Variants in CORO2A observed in about 807,000 individuals in gnomAD.
CORO2A encodes the protein coronin-2A.
CORO2A carries 47 observed loss-of-function variants against 62.4 expected under a neutral mutation model. The observed-to-expected ratio is 0.75, with a 90% confidence interval of 0.60 to 0.96. CORO2A has a LOEUF of 0.96. Among genes scored for constraint, CORO2A ranks in the 40% least tolerant of loss-of-function variants. CORO2A has a pLI of 0.00. For missense variants in CORO2A, 610 were observed against 684.1 expected (o/e 0.89, Z 1.21); for synonymous variants, 273 against 268.9 (o/e 1.02, Z -0.15).
At chr9:98,165,627 C>T (rs1319219561) in intron 1 of CORO2A, among the ~76,000 whole-genome samples, 1 of 152,196 alleles carries the variant, frequency 6.6e-6, no homozygotes, top group Non-Finnish European at 1.5e-5. Context: ...ACATGCAGGG[C>T]AGTGGCTTGC....
At chr9:98,189,930 G>A (rs1828286338) in intron 1 of CORO2A, among the ~76,000 whole-genome samples, 1 of 151,938 alleles carries the variant, frequency 6.6e-6, no homozygotes, top group African/African-American at 2.4e-5. Context: ...TGTCGCCCAG[G>A]CTGGAGTGCA....
At chr9:98,135,621 C>T (rs73655196) in intron 3 of CORO2A, among the ~76,000 whole-genome samples, 1,703 of 152,242 alleles carry the variant, frequency 0.011, 21 homozygotes, top group African/African-American at 0.039. Context: ...CTCCCTGTCA[C>T]AGAGGTATAC....
chr9:98,128,180 C>T lies in CORO2A; in HGVS notation c.1161G>A (p.Gly387=), dbSNP rs907792053. Residue 387 remains glycine (G), a synonymous_variant, in exon 10 of 12, where the codon GGG becomes GGA. Transcript: ENST00000375077. ...PSLTAQEWLS[G]MNRDPILVSL... is the part of the protein sequence containing the mutation. ...CTCTGCCTTCCTCACCTCGATTCAT[C>T]CCGCTGAGCCACTCCTGGGCCGTCA... is the stretch of plus-strand genomic sequence containing the variant. 1 of 1,613,030 alleles carries T rather than the reference C, an allele frequency of 6.2e-7. No homozygotes were observed. Among genetic ancestry groups the T allele is most frequent in the East Asian group, 2.2e-5 (1 of 44,864 alleles).
intron 1 of CORO2A, among the ~76,000 whole-genome samples, chr9:98,190,918 A>G (rs977800445): frequency 6.6e-6 from 1 of 152,242 alleles, no homozygotes; most frequent in African/African-American, 2.4e-5. Flanking sequence ...CAGCTCCACC[A>G]TGGCCGCAGG....
At chr9:98,128,393 G>C in intron 9 of CORO2A, 133 bp from the exon 10 acceptor site, 1 of 838,266 alleles carries the variant, frequency 1.2e-6, no homozygotes, top group East Asian at 2.5e-5. Flanking sequence ...GAGAACAAAG[G>C]GACTTGCCCG....
intron 1 of CORO2A, among the ~76,000 whole-genome samples, chr9:98,159,543 G>A (rs112629127): frequency 6.0e-5 from 9 of 151,258 alleles, no homozygotes; most frequent in East Asian, 2.0e-4. Context: ...CTCTTTGCCC[G>A]TCCCTCTCCT....
Position 98,123,499 on chromosome 9 carries a change from T to G in CORO2A, c.*1275A>C, listed in dbSNP as rs1216700169. The G allele has an allele frequency of 6.6e-6, 1 of 150,626 alleles. No homozygotes were observed. Among genetic ancestry groups the G allele is most frequent in the South Asian group, 2.1e-4 (1 of 4,796 alleles). The allele number at this position is 150,626 out of a possible 1,614,324, so 9.3% of individuals were successfully genotyped here. A position where few individuals can be genotyped will look rare whatever the true frequency, so the allele number is the denominator to read the frequency against. ...GTCTTCCCCTATTCTCTCTCTCTTT[T>G]TTTTTTTTTTTTTGGAGATGGAGTC... On this transcript the variant is annotated 3_prime_UTR_variant, in exon 12 of 12. Coordinates refer to ENST00000375077, the MANE Select transcript of CORO2A (RefSeq NM_052820.4).
chr9:98,154,379 T>A (rs979491129), intron 2 of CORO2A, among the ~76,000 whole-genome samples: 5 of 101,042 alleles, frequency 4.9e-5, no homozygotes, highest in African/African-American at 1.5e-4. Context: ...ATATATATTT[T>A]AAATATATGT....
intron 1 of CORO2A, among the ~76,000 whole-genome samples, chr9:98,170,472 C>T (rs1182303238): frequency 6.6e-6 from 1 of 152,146 alleles, no homozygotes; most frequent in African/African-American, 2.4e-5. Flanking sequence ...AACAGAGTCT[C>T]GCTCTGTCAC....
intron 2 of CORO2A, among the ~76,000 whole-genome samples, chr9:98,149,606 T>C (rs1394253163): frequency 6.6e-6 from 1 of 152,140 alleles, no homozygotes; most frequent in Non-Finnish European, 1.5e-5. Context: ...CGGGGAGGTG[T>C]CCCAGACTGT....
Position 98,124,519 on chromosome 9 carries a change from A to T in CORO2A, c.*255T>A. On this transcript the variant is annotated 3_prime_UTR_variant, in exon 12 of 12. Coordinates refer to ENST00000375077, the MANE Select transcript of CORO2A (RefSeq NM_052820.4). ...TCCTCTTGAGAAGTTACAGCTCATCATGGGCCCTTAATAACAGAATTCAAC... is the reference window on the plus strand; with the variant it reads ...TCCTCTTGAGAAGTTACAGCTCATCTTGGGCCCTTAATAACAGAATTCAAC... The T allele has an allele frequency of 3.2e-6, 1 of 313,458 alleles. No individual in the cohort carries two copies. The highest frequency in any genetic ancestry group is 5.9e-6 in the Non-Finnish European group (1 of 170,226). The allele number at this position is 313,458 out of a possible 1,614,324, so 19.4% of individuals were successfully genotyped here.
At position 98,131,021 on chromosome 9, in the gene CORO2A, G is replaced by A. The variant is rs747938637; in HGVS notation, c.804C>T (p.Asp268=). 4.1e-5 allele frequency: 66 copies of A among 1,613,662 alleles called. No individual in the cohort carries two copies. Among genetic ancestry groups the A allele is most frequent in the Non-Finnish European group, 5.3e-5 (63 of 1,179,880 alleles). Reference sequence around the variant, plus strand: ...AGGGAAACAGCACGCCCGAGGAGCCGTCCAGGTCCTCCTCCATCAGAGGCA... The same window carrying A: ...AGGGAAACAGCACGCCCGAGGAGCCATCCAGGTCCTCCTCCATCAGAGGCA... ...LSVPLMEEDL[D]GSSGVLFPFY... is the part of the protein sequence containing the mutation. Residue 268 remains aspartate (D), a synonymous_variant, in exon 7 of 12, where the codon GAC becomes GAT. Transcript: ENST00000375077.
intron 1 of CORO2A, among the ~76,000 whole-genome samples, chr9:98,182,785 A>C (rs1469021997): frequency 6.6e-6 from 1 of 152,230 alleles, no homozygotes; most frequent in Admixed American, 6.5e-5. Context: ...TAAGAGTCTA[A>C]TTGGGGACCC....
chr9:98,191,178 G>A (rs999665808), intron 1 of CORO2A, among the ~76,000 whole-genome samples: 2 of 152,246 alleles, frequency 1.3e-5, no homozygotes, highest in African/African-American at 4.8e-5. Flanking sequence ...GCATCAGGGA[G>A]GTGGAGAAGA....
chr9:98,126,663 C>T lies in CORO2A; in HGVS notation c.1332G>A (p.Leu444=). The change falls in exon 11 of 12, where the codon CTG becomes CTA. Residue 444 remains leucine (L), a synonymous_variant. Coordinates refer to ENST00000375077, the MANE Select transcript of CORO2A (RefSeq NM_052820.4). The part of the protein sequence containing the change: ...AAEDGWRSSS[L]LEEKMPRWAA... ...CCCACCTTGGCATCTTCTCCTCCAACAGGGAGGAAGACCTCCAGCCATCTT... is the reference window on the plus strand; with the variant it reads ...CCCACCTTGGCATCTTCTCCTCCAATAGGGAGGAAGACCTCCAGCCATCTT... 1 of 1,614,240 alleles carries T rather than the reference C, an allele frequency of 6.2e-7. No individual in the cohort carries two copies. The highest frequency in any genetic ancestry group is 8.5e-7 in the Non-Finnish European group (1 of 1,180,044).
At chr9:98,125,049 T>A in intron 11 of CORO2A, 144 bp from the exon 12 acceptor site, 2 of 783,790 alleles carry the variant, frequency 2.6e-6, no homozygotes, top group Non-Finnish European at 3.9e-6. Context: ...ACTGCATAGA[T>A]CTTTTACAAA....
rs1409424131 is a variant in CORO2A at position 98,128,727 on chromosome 9, C to T, written c.968-8G>A. ...CTCTCTTTGGCATGACACCTGAAGG[C>T]AGACAGGGAGGGCCAAGAGGTTCTG... On this transcript the variant is annotated splice_region_variant and splice_polypyrimidine_tract_variant and intron_variant, in intron 8 of 11. Coordinates refer to ENST00000375077, the MANE Select transcript of CORO2A (RefSeq NM_052820.4). 6.2e-7 allele frequency: 1 copy of T among 1,612,846 alleles called. No homozygotes were observed. The highest frequency in any genetic ancestry group is 1.3e-5 in the African/African-American group (1 of 75,020).
At chr9:98,142,861 CCTGCG>C (rs1827592322) in intron 2 of CORO2A, among the ~76,000 whole-genome samples, 1 of 100,088 alleles carries the variant, frequency 1.0e-5, no homozygotes, top group Non-Finnish European at 2.1e-5. Flanking sequence ...CCTGCGCTGC[CCTGCG>C]CTGCCCTGCG....
At chr9:98,177,057 T>C (rs1310559930) in intron 1 of CORO2A, among the ~76,000 whole-genome samples, 4 of 152,182 alleles carry the variant, frequency 2.6e-5, no homozygotes, top group Non-Finnish European at 4.4e-5. Context: ...GCCTTATAAT[T>C]GTGAGCTCAA....
Sources: gnomAD v4.1 joint callset for allele counts (sites outside exome capture counted in the v4.1 genomes callset) on GRCh38, gnomAD v4.1.1 for gene constraint, MANE v1.5 for transcripts, NCBI Gene and HGNC (gene_info 2026-07-23, HGNC 2026-07-21) for gene names.